Variants in KIF13B observed in about 807,000 individuals in gnomAD.
KIF13B encodes the protein kinesin-like protein KIF13B.
In KIF13B, 127 loss-of-function variants were observed where a neutral mutation model predicts 222.0. The observed-to-expected ratio is 0.57, with a 90% confidence interval of 0.50 to 0.66. The LOEUF (loss-of-function observed/expected upper bound fraction) is 0.66. Ranked by LOEUF, KIF13B falls within the 30% of genes least tolerant of loss-of-function variation. The pLI, the probability that KIF13B is intolerant of heterozygous loss-of-function variation, is 0.00. For missense variants in KIF13B, 2,173 were observed against 2,379.0 expected (o/e 0.91, Z 1.80); for synonymous variants, 976 against 919.0 (o/e 1.06, Z -1.12).
rs1318789741 is a variant in KIF13B, at chr8:29,072,299, G to A, written c.4539C>T (p.Gly1513=). 2.1e-6 allele frequency: 3 copies of A among 1,428,634 alleles called. No homozygotes were observed. In the East Asian group the frequency reaches 8.3e-5, roughly 39 times the overall value. 88.5% of individuals were successfully genotyped at this position (1,428,634 alleles called of 1,614,324 possible). A position where few individuals can be genotyped will look rare whatever the true frequency, so the allele number is the denominator to read the frequency against. ...TRMEEAQPEM[G]PDVLVQTMGA... Reference sequence around the variant, plus strand: ...CCATCGTCTGCACCAGCACGTCAGGGCCCATCTCCGGCTGAGCCTGCAGCA... The same window carrying A: ...CCATCGTCTGCACCAGCACGTCAGGACCCATCTCCGGCTGAGCCTGCAGCA... Residue 1513 remains glycine, a synonymous_variant, in exon 39 of 40, where the codon GGC becomes GGT. Coordinates refer to ENST00000524189, the MANE Select transcript of KIF13B (RefSeq NM_015254.4).
At chr8:29,140,283 A>C (rs1041495716) in intron 20 of KIF13B, 92 bp from the exon 21 acceptor site, 6 of 1,534,306 alleles carry the variant, frequency 3.9e-6, no homozygotes, top group Non-Finnish European at 5.3e-6. Flanking sequence ...TCAAGTTGTC[A>C]GGTTAATGGT....
chr8:29,069,125 G>A lies in KIF13B; in HGVS notation c.*1379C>T, dbSNP rs1213102057. The A allele has an allele frequency of 6.6e-6, 1 of 152,272 alleles. No homozygotes were observed. Among genetic ancestry groups the A allele is most frequent in the African/African-American group, 2.4e-5 (1 of 41,464 alleles). 9.4% of individuals were successfully genotyped at this position (152,272 alleles called of 1,614,324 possible). ...TGTGAGAACTAGAAACCAGCTCCAA[G>A]GGTGGCTGTGTGAATCTTGACCCAG... On this transcript the variant is annotated 3_prime_UTR_variant, in exon 40 of 40. Transcript: ENST00000524189.
intron 12 of KIF13B, among the ~76,000 whole-genome samples, chr8:29,162,707 T>C (rs546152965): frequency 3.7e-4 from 56 of 152,358 alleles, no homozygotes; most frequent in African/African-American, 1.2e-3. Flanking sequence ...GTCAATTCAT[T>C]ATTCCGTTTG....
rs752595081 is a variant in KIF13B, at chr8:29,092,898, A to G, written c.4325-20T>C. On this transcript the variant is annotated intron_variant, in intron 36 of 39. Transcript: ENST00000524189. ...TGAGTCCTGCCCATATTACAGGGGA[A>G]AAAGATAAAACAAATACAATTACAT... 6.3e-7 allele frequency: 1 copy of G among 1,586,382 alleles called. No homozygotes were observed. The highest frequency in any genetic ancestry group is 1.8e-5 in the Admixed American group (1 of 55,328).
intron 28 of KIF13B, 117 bp from the exon 29 acceptor site, chr8:29,122,763 G>C: frequency 1.3e-6 from 1 of 782,288 alleles, no homozygotes; most frequent in Non-Finnish European, 2.1e-6. Context: ...TAATAACCCT[G>C]GCCCTGATTT....
intron 36 of KIF13B, among the ~76,000 whole-genome samples, chr8:29,096,961 G>A (rs779288267): frequency 5.3e-5 from 8 of 151,980 alleles, no homozygotes; most frequent in African/African-American, 9.7e-5. Context: ...AAAATATGGC[G>A]GACCAGAATG....
intron 10 of KIF13B, among the ~76,000 whole-genome samples, chr8:29,175,863 G>C (rs1812454688): frequency 6.6e-6 from 1 of 152,144 alleles, no homozygotes; most frequent in African/African-American, 2.4e-5. Flanking sequence ...ACTGCATCCA[G>C]GTTCTAGTAA....
intron 6 of KIF13B, among the ~76,000 whole-genome samples, chr8:29,185,994 A>G (rs1041564535): frequency 1.4e-4 from 22 of 152,154 alleles, no homozygotes; most frequent in African/African-American, 5.3e-4. Context: ...AGAATCTTTA[A>G]AAACTCACTG....
intron 37 of KIF13B, among the ~76,000 whole-genome samples, chr8:29,084,942 C>T (rs1807977018): frequency 6.6e-6 from 1 of 152,192 alleles, no homozygotes; most frequent in South Asian, 2.1e-4. Flanking sequence ...AGTATTTTTG[C>T]ATTTCTGGAA....
intron 1 of KIF13B, among the ~76,000 whole-genome samples, chr8:29,246,314 T>C (rs1031394924): frequency 1.3e-5 from 2 of 150,890 alleles, no homozygotes; most frequent in East Asian, 3.9e-4. Context: ...GAGGCAGAGG[T>C]TGCAGTGAGC....
chr8:29,122,020 C>A (rs1295348681), intron 29 of KIF13B, among the ~76,000 whole-genome samples: 1 of 151,882 alleles, frequency 6.6e-6, no homozygotes, highest in Non-Finnish European at 1.5e-5. Context: ...TTTGGGAGGC[C>A]AAGGAGGGCG....
At chr8:29,101,590 A>G (rs1808788003) in intron 35 of KIF13B, among the ~76,000 whole-genome samples, 1 of 152,126 alleles carries the variant, frequency 6.6e-6, no homozygotes, top group African/African-American at 2.4e-5. Flanking sequence ...CATTTACTCA[A>G]ATACTGAAAG....
chr8:29,080,917 G>A (rs1462941391), intron 37 of KIF13B, among the ~76,000 whole-genome samples: 4 of 152,122 alleles, frequency 2.6e-5, no homozygotes, highest in Admixed American at 1.3e-4. Flanking sequence ...CTCGAATAGC[G>A]TCTTCTAACT....
At chr8:29,158,157 G>A (rs910302552) in intron 13 of KIF13B, among the ~76,000 whole-genome samples, 7 of 152,152 alleles carry the variant, frequency 4.6e-5, no homozygotes, top group Non-Finnish European at 8.8e-5. Flanking sequence ...TCCTCAGAGA[G>A]GTGCTTCCTG....
chr8:29,186,923 T>A (rs1231503015), intron 5 of KIF13B, among the ~76,000 whole-genome samples: 1 of 149,146 alleles, frequency 6.7e-6, no homozygotes, highest in East Asian at 2.0e-4. Context: ...GAGCCGAGAT[T>A]GCGCCACTGC....
At chr8:29,257,125 G>A (rs776611858) in intron 1 of KIF13B, among the ~76,000 whole-genome samples, 18 of 152,130 alleles carry the variant, frequency 1.2e-4, no homozygotes, top group Non-Finnish European at 1.9e-4. Flanking sequence ...TCCATTGCTC[G>A]CAAATAGAAA....
At chr8:29,147,210 T>C (rs144252273) in intron 17 of KIF13B, among the ~76,000 whole-genome samples, 182 bp downstream of exon 17, 114 of 152,338 alleles carry the variant, frequency 7.5e-4, no homozygotes, top group Non-Finnish European at 1.2e-3. Flanking sequence ...AATAATGCAA[T>C]ATAAATGGGC....
chr8:29,253,100 A>C (rs1183939622), intron 1 of KIF13B, among the ~76,000 whole-genome samples: 1 of 152,190 alleles, frequency 6.6e-6, no homozygotes, highest in Non-Finnish European at 1.5e-5. Flanking sequence ...GCTACTTGGG[A>C]GTCTGAAGCA....
chr8:29,212,185 T>C (rs771267696), intron 2 of KIF13B, among the ~76,000 whole-genome samples: 7 of 152,250 alleles, frequency 4.6e-5, no homozygotes, highest in Non-Finnish European at 1.0e-4. Flanking sequence ...TTATTTATCC[T>C]GAATAGATAC....
Sources: allele counts gnomAD v4.1 joint callset (sites outside exome capture counted in the v4.1 genomes callset), GRCh38; gene constraint gnomAD v4.1.1; transcripts MANE v1.5; gene names NCBI Gene and HGNC (gene_info 2026-07-23, HGNC 2026-07-21).